Variants in PTPRG observed in about 807,000 individuals in gnomAD.
The protein encoded by PTPRG is protein tyrosine phosphatase receptor type G.
Under a neutral mutation model 165.3 loss-of-function variants are expected in PTPRG, and 102 were observed. That is an observed-to-expected ratio of 0.62 (90% confidence interval 0.53 to 0.73). The LOEUF (loss-of-function observed/expected upper bound fraction) is 0.73. PTPRG is among the 30% of genes least tolerant of loss of function. The pLI is 0.00. For missense variants in PTPRG, 1,866 were observed against 1,861.4 expected (o/e 1.00, Z -0.05); for synonymous variants, 675 against 669.5 (o/e 1.01, Z -0.13).
intron 2 of PTPRG, among the ~76,000 whole-genome samples, chr3:61,835,201 T>C (rs2036423041): frequency 6.6e-6 from 1 of 152,210 alleles, no homozygotes; most frequent in African/African-American, 2.4e-5. Context: ...TGGTCGTTAC[T>C]GTGCCTCAAT....
rs941074090 is a variant in PTPRG, at chr3:61,628,401, C to T, written c.85+66029C>T. Among the ~76,000 whole-genome samples, 16 of 152,268 alleles carry T rather than the reference C, an allele frequency of 1.1e-4. No homozygotes were observed. In the East Asian group the frequency reaches 3.1e-3, roughly 29 times the overall value. ...GCATGGTCTTGGCTCACTGCAGCCTCTGCCTCCTGGTTCAAGTGATTCTCC... is the reference window on the plus strand; with the variant it reads ...GCATGGTCTTGGCTCACTGCAGCCTTTGCCTCCTGGTTCAAGTGATTCTCC... On this transcript the variant is annotated intron_variant, in intron 1 of 29. Transcript: ENST00000474889.
At chr3:61,969,317 G>C (rs749962505) in intron 2 of PTPRG, among the ~76,000 whole-genome samples, 9 of 152,058 alleles carry the variant, frequency 5.9e-5, no homozygotes, top group African/African-American at 1.9e-4. Flanking sequence ...GTAAGGTCTG[G>C]GGTAGAGGGA....
intron 1 of PTPRG, among the ~76,000 whole-genome samples, chr3:61,596,854 GTC>G (rs991869085): frequency 5.2e-4 from 79 of 152,156 alleles, no homozygotes; most frequent in African/African-American, 1.9e-3. Flanking sequence ...GTGAATAATT[GTC>G]TCAAGGTTTT....
chr3:61,920,103 A>G (rs568877792), intron 2 of PTPRG, among the ~76,000 whole-genome samples: 6 of 152,332 alleles, frequency 3.9e-5, no homozygotes, highest in African/African-American at 1.2e-4. Flanking sequence ...GTTTTTCTCC[A>G]TAGGGAGATC....
chr3:61,617,476 C>G (rs1389793992), intron 1 of PTPRG, among the ~76,000 whole-genome samples: 3 of 152,178 alleles, frequency 2.0e-5, no homozygotes, highest in Non-Finnish European at 2.9e-5. Flanking sequence ...AGGAAGTATA[C>G]TTTCAAGAAG....
chr3:61,656,205 C>A (rs77763501), intron 1 of PTPRG, among the ~76,000 whole-genome samples: 2 of 152,026 alleles, frequency 1.3e-5, no homozygotes, highest in Admixed American at 1.3e-4. Context: ...GTATTCCAGA[C>A]TGGGCAACAG....
intron 5 of PTPRG, among the ~76,000 whole-genome samples, chr3:62,109,299 G>C (rs368861151): frequency 1.3e-5 from 2 of 152,118 alleles, no homozygotes; most frequent in Non-Finnish European, 2.9e-5. Context: ...TATTAAATAC[G>C]GAATCTTTTC....
At chr3:61,579,371 G>C (rs1700232978) in intron 1 of PTPRG, among the ~76,000 whole-genome samples, 1 of 152,176 alleles carries the variant, frequency 6.6e-6, no homozygotes, top group African/African-American at 2.4e-5. Flanking sequence ...CCTTCACCAG[G>C]GGTGAGGGAG....
At chr3:61,942,391 A>C (rs2107608251) in intron 2 of PTPRG, among the ~76,000 whole-genome samples, 1 of 152,338 alleles carries the variant, frequency 6.6e-6, no homozygotes, top group South Asian at 2.1e-4. Context: ...ATACCTATTA[A>C]ATAAGAGAAA....
chr3:62,071,828 C>T (rs1053564224), intron 4 of PTPRG, among the ~76,000 whole-genome samples: 2 of 152,116 alleles, frequency 1.3e-5, no homozygotes, highest in Non-Finnish European at 1.5e-5. Flanking sequence ...GTTTCCTTGC[C>T]TATAAAATGA....
chr3:61,705,656 T>A (rs571814199), intron 1 of PTPRG, among the ~76,000 whole-genome samples: 2 of 152,212 alleles, frequency 1.3e-5, no homozygotes, highest in Non-Finnish European at 2.9e-5. Flanking sequence ...TATTCTTGGT[T>A]ATTTTACCAG....
Position 61,798,697 on chromosome 3 carries a change from A to C in PTPRG, c.190+49715A>C, listed in dbSNP as rs114679055. ...TTACCTTTGGAAGGGACCCTTAGTG[A>C]AGGTCTTGTCTTTTCATCTGTAGCA... On this transcript the variant is annotated intron_variant, in intron 2 of 29. Coordinates refer to ENST00000474889, the MANE Select transcript of PTPRG (RefSeq NM_002841.4). Among the ~76,000 whole-genome samples the C allele has an allele frequency of 6.1e-3, 914 of 149,664 alleles. 8 individuals are homozygous for C. The highest frequency in any genetic ancestry group is 0.021 in the African/African-American group (843 of 40,532).
chr3:62,087,853 A>G (rs1036485750), intron 5 of PTPRG, among the ~76,000 whole-genome samples: 1 of 152,154 alleles, frequency 6.6e-6, no homozygotes, highest in Admixed American at 6.5e-5. Flanking sequence ...TTGTAACTTA[A>G]AATTATGTTC....
chr3:61,753,064 G>C (rs1325331645), intron 2 of PTPRG, among the ~76,000 whole-genome samples: 1 of 152,112 alleles, frequency 6.6e-6, no homozygotes, highest in Admixed American at 6.5e-5. Flanking sequence ...GGAACCTGGA[G>C]ATATGTATTA....
intron 2 of PTPRG, among the ~76,000 whole-genome samples, chr3:61,914,237 T>C (rs2038875727): frequency 6.6e-6 from 1 of 152,226 alleles, no homozygotes; most frequent in South Asian, 2.1e-4. Flanking sequence ...TAATTACACT[T>C]GACTTAAGCG....
chr3:61,918,717 A>G (rs1180492951), intron 2 of PTPRG, among the ~76,000 whole-genome samples: 1 of 152,218 alleles, frequency 6.6e-6, no homozygotes, highest in South Asian at 2.1e-4. Flanking sequence ...TAGATACCAC[A>G]GGTGGACTGG....
chr3:62,029,153 C>G (rs1484172713), intron 4 of PTPRG, among the ~76,000 whole-genome samples: 1 of 152,132 alleles, frequency 6.6e-6, no homozygotes, highest in African/African-American at 2.4e-5. Context: ...TGTGTGTATT[C>G]TGACTTGTGA....
chr3:61,938,235 CTTTTTT>C (rs59553874), intron 2 of PTPRG, among the ~76,000 whole-genome samples: 1 of 135,322 alleles, frequency 7.4e-6, no homozygotes, highest in Non-Finnish European at 1.6e-5. Flanking sequence ...TTTCTTTTTC[CTTTTTT>C]TTTTTTTTTA....
intron 1 of PTPRG, among the ~76,000 whole-genome samples, chr3:61,611,319 G>C (rs528101500): frequency 6.6e-6 from 1 of 152,270 alleles, no homozygotes; most frequent in South Asian, 2.1e-4. Flanking sequence ...TCAGAACCTT[G>C]CTGTGTGGAT....
Sources: allele counts gnomAD v4.1 joint callset (sites outside exome capture counted in the v4.1 genomes callset), GRCh38; gene constraint gnomAD v4.1.1; transcripts MANE v1.5; gene names NCBI Gene and HGNC (gene_info 2026-07-23, HGNC 2026-07-21).